Variants in SNTG2 observed in about 807,000 individuals in gnomAD.
The protein encoded by SNTG2 is gamma-2-syntrophin.
In SNTG2, 74 loss-of-function variants were observed where a neutral mutation model predicts 70.9. That is an observed-to-expected ratio of 1.04 (90% CI 0.86 to 1.27). The LOEUF (loss-of-function observed/expected upper bound fraction) is 1.27. Ranked by LOEUF, SNTG2 falls within the 50% of genes most tolerant of loss-of-function variation. SNTG2 has a pLI of 0.00. For synonymous variants in SNTG2, 278 were observed against 273.8 expected, an observed-to-expected ratio of 1.02 and a Z score of -0.15; for missense variants, 717 against 690.7, an observed-to-expected ratio of 1.04 and a Z score of -0.43.
chr2:1,212,340 G>A (rs1344698109), intron 9 of SNTG2, among the ~76,000 whole-genome samples: 1 of 152,134 alleles, frequency 6.6e-6, no homozygotes, highest in Admixed American at 6.6e-5. Context: ...ACCATGATTG[G>A]AAGTTTCCTG....
intron 11 of SNTG2, among the ~76,000 whole-genome samples, chr2:1,243,493 G>A (rs1037307584): frequency 6.6e-6 from 1 of 152,130 alleles, no homozygotes. Context: ...CTGCCATGCT[G>A]GAAAAAGAAT....
At chr2:1,322,160 T>G (rs1040915648) in intron 16 of SNTG2, among the ~76,000 whole-genome samples, 1 of 152,204 alleles carries the variant, frequency 6.6e-6, no homozygotes, top group Non-Finnish European at 1.5e-5. Context: ...GAATCAAATC[T>G]TTTTTCTAAG....
At chr2:1,314,152 A>G (rs1681154944) in intron 15 of SNTG2, among the ~76,000 whole-genome samples, 1 of 152,216 alleles carries the variant, frequency 6.6e-6, no homozygotes, top group African/African-American at 2.4e-5. Context: ...ATAGGGGTAG[A>G]CCACTACTGC....
chr2:1,139,900 G>A (rs1300171733), intron 6 of SNTG2, among the ~76,000 whole-genome samples: 1 of 150,768 alleles, frequency 6.6e-6, no homozygotes, highest in African/African-American at 2.4e-5. Context: ...TTACAATATT[G>A]GACTGATACA....
chr2:990,642 A>G (rs1020029870), intron 1 of SNTG2, among the ~76,000 whole-genome samples: 1 of 152,210 alleles, frequency 6.6e-6, no homozygotes, highest in East Asian at 1.9e-4. Context: ...GGACCCAGAT[A>G]TTCAGTCCAT....
intron 1 of SNTG2, among the ~76,000 whole-genome samples, chr2:959,484 A>G (rs1205456742): frequency 6.6e-6 from 1 of 152,046 alleles, no homozygotes; most frequent in Non-Finnish European, 1.5e-5. Flanking sequence ...GGCAGGAGGA[A>G]GGGAGTCAGG....
chr2:1,146,592 C>A lies in SNTG2; in HGVS notation c.411+8783C>A, dbSNP rs1405806159. Among the ~76,000 whole-genome samples the A allele has an allele frequency of 3.9e-5, 6 of 152,218 alleles. No individual in the cohort carries two copies. The East Asian group carries it at 9.6e-4, about 24-fold the overall frequency. ...GATGGAAAGACTAGAATAGCCAATGCAGTATTGAAGTAGAACAAAGTTTGA... is the reference window on the plus strand; with the variant it reads ...GATGGAAAGACTAGAATAGCCAATGAAGTATTGAAGTAGAACAAAGTTTGA... On this transcript the variant is annotated intron_variant, in intron 6 of 16. Transcript: ENST00000308624.
chr2:1,154,016 C>A (rs1468258499), intron 6 of SNTG2, among the ~76,000 whole-genome samples: 5 of 152,162 alleles, frequency 3.3e-5, no homozygotes, highest in Admixed American at 6.6e-5. Flanking sequence ...AAATCTCTTG[C>A]AAAACAGAAT....
chr2:1,095,139 C>A (rs1355597989), intron 2 of SNTG2, among the ~76,000 whole-genome samples: 9 of 152,138 alleles, frequency 5.9e-5, no homozygotes, highest in Admixed American at 6.5e-5. Context: ...TTTTCCTGTT[C>A]CAACCCTATC....
At position 1,137,929 on chromosome 2, in the gene SNTG2, G is replaced by A. The variant is rs994012402; in HGVS notation, c.411+120G>A. The A allele has an allele frequency of 7.9e-6, 8 of 1,017,860 alleles. No homozygotes were observed. The East Asian group carries it at 1.8e-4, about 23-fold the overall frequency. 63.1% of individuals were successfully genotyped at this position (1,017,860 alleles called of 1,614,324 possible). On this transcript the variant is annotated intron_variant, in intron 6 of 16. Coordinates refer to ENST00000308624, the MANE Select transcript of SNTG2 (RefSeq NM_018968.4). ...ATGCAGTGTTAGAATTGGAAAGAAAGCTCAAAGGTTTAGTAAATCATGTTA... is the reference window on the plus strand; with the variant it reads ...ATGCAGTGTTAGAATTGGAAAGAAAACTCAAAGGTTTAGTAAATCATGTTA...
Position 1,322,671 on chromosome 2 carries a change from G to T in SNTG2, c.1488+6296G>T, listed in dbSNP as rs180739644. ...TCTCTCCCCCTCCTTCTACCCTTCT[G>T]GTGCAGAGTCCTCAGAGGCTCCTTT... On this transcript the variant is annotated intron_variant, in intron 16 of 16. Coordinates refer to ENST00000308624, the MANE Select transcript of SNTG2 (RefSeq NM_018968.4). Among the ~76,000 whole-genome samples the T allele has an allele frequency of 1.8e-3, 267 of 151,844 alleles. 1 individual carries two copies. In the Middle Eastern group the frequency reaches 0.027, roughly 15 times the overall value.
intron 1 of SNTG2, among the ~76,000 whole-genome samples, chr2:1,044,381 A>G (rs1661610391): frequency 6.6e-6 from 1 of 152,042 alleles, no homozygotes; most frequent in Non-Finnish European, 1.5e-5. Flanking sequence ...GAAGCCTTCT[A>G]TGTCTTTCTC....
At chr2:1,325,936 T>C (rs1281217587) in intron 16 of SNTG2, among the ~76,000 whole-genome samples, 1 of 151,936 alleles carries the variant, frequency 6.6e-6, no homozygotes, top group African/African-American at 2.4e-5. Context: ...CGGTTTCAAG[T>C]GATTCTCTTG....
chr2:1,264,428 G>C (rs1015397491), intron 13 of SNTG2, among the ~76,000 whole-genome samples: 5 of 152,122 alleles, frequency 3.3e-5, no homozygotes, highest in African/African-American at 1.2e-4. Context: ...TCCCTCCTTC[G>C]TGTTGAGTCC....
intron 1 of SNTG2, among the ~76,000 whole-genome samples, chr2:972,513 G>A (rs1352934483): frequency 6.6e-6 from 1 of 152,106 alleles, no homozygotes; most frequent in Admixed American, 6.5e-5. Flanking sequence ...CAGATGATGT[G>A]TTATAATATA....
intron 6 of SNTG2, among the ~76,000 whole-genome samples, chr2:1,153,663 T>A (rs1669666648): frequency 6.6e-6 from 1 of 152,230 alleles, no homozygotes; most frequent in Non-Finnish European, 1.5e-5. Flanking sequence ...AACTTGTTCG[T>A]GTTTTACACA....
intron 14 of SNTG2, among the ~76,000 whole-genome samples, chr2:1,306,346 A>G (rs4287807): frequency 0.64 from 96,661 of 151,960 alleles, 30,867 homozygotes; most frequent in South Asian, 0.69. Flanking sequence ...TGGGCCCCCC[A>G]CCATCTGCTC....
chr2:1,185,303 A>G (rs569596066), intron 8 of SNTG2, among the ~76,000 whole-genome samples: 10 of 152,310 alleles, frequency 6.6e-5, no homozygotes, highest in African/African-American at 2.2e-4. Flanking sequence ...TTCCAGGAAC[A>G]TGGTGCAAAC....
intron 9 of SNTG2, among the ~76,000 whole-genome samples, chr2:1,218,418 T>G (rs537427369): frequency 1.3e-5 from 2 of 152,302 alleles, no homozygotes; most frequent in Admixed American, 1.3e-4. Flanking sequence ...AACCTCTGTT[T>G]CCCTCTGGAA....
Sources: gnomAD v4.1 joint callset for allele counts (sites outside exome capture counted in the v4.1 genomes callset) on GRCh38, gnomAD v4.1.1 for gene constraint, MANE v1.5 for transcripts, NCBI Gene and HGNC (gene_info 2026-07-23, HGNC 2026-07-21) for gene names.